The following CERS6 variants were observed in gnomAD, a reference collection of about 807,000 sequenced individuals.
CERS6 encodes LAG1 homolog, ceramide synthase 6.
Under a neutral mutation model 56.8 loss-of-function variants are expected in CERS6, and 26 were observed. The ratio of observed to expected loss-of-function variants is 0.46; its 90% CI spans 0.34 to 0.63. The LOEUF (loss-of-function observed/expected upper bound fraction) is 0.63. CERS6 is among the 30% of genes least tolerant of loss of function. The probability of loss-of-function intolerance (pLI) is 0.01; values close to 1 mark genes in which losing one functional copy is unlikely to be tolerated. For synonymous variants in CERS6, 164 were observed against 173.3 expected (o/e 0.95, Z 0.42); for missense variants, 415 against 467.5 (o/e 0.89, Z 1.04).
At chr2:168,458,066 G>A (rs1693707810) in intron 1 of CERS6, among the ~76,000 whole-genome samples, 1 of 152,084 alleles carries the variant, frequency 6.6e-6, no homozygotes, top group African/African-American at 2.4e-5. Flanking sequence ...CAGGTGTAGA[G>A]TTACCTCTAG....
At chr2:168,545,182 T>C (rs1377373187) in intron 1 of CERS6, among the ~76,000 whole-genome samples, 1 of 152,176 alleles carries the variant, frequency 6.6e-6, no homozygotes, top group African/African-American at 2.4e-5. Context: ...TACATGTACA[T>C]ATATAATTAT....
chr2:168,538,748 T>C (rs1036280861), intron 1 of CERS6, among the ~76,000 whole-genome samples: 2 of 152,246 alleles, frequency 1.3e-5, no homozygotes, highest in Admixed American at 6.5e-5. Flanking sequence ...TGAGTCATTT[T>C]GTAGTGACTC....
In CERS6 at chr2:168,717,916, TCTC is replaced by T; in HGVS notation, c.786_788del (p.Leu263del). On this transcript the variant is annotated inframe_deletion, in exon 8 of 10. Coordinates refer to ENST00000305747, the MANE Select transcript of CERS6 (RefSeq NM_203463.3). ...ATGCCAAGTTTCAGAAAATGTGTGA[TCTC>T]CTGTTTGTTATGTTTGCCGTGGTTT... 1 of 1,613,870 alleles carries T rather than the reference TCTC, an allele frequency of 6.2e-7. No individual in the cohort carries two copies. Among genetic ancestry groups the T allele is most frequent in the Non-Finnish European group, 8.5e-7 (1 of 1,179,816 alleles).
chr2:168,472,927 T>C (rs1415508082), intron 1 of CERS6, among the ~76,000 whole-genome samples: 2 of 152,198 alleles, frequency 1.3e-5, no homozygotes, highest in Non-Finnish European at 2.9e-5. Flanking sequence ...ACACAAAATA[T>C]TGGTTTGTGA....
chr2:168,743,255 TAC>T (rs1232651624), intron 8 of CERS6, among the ~76,000 whole-genome samples: 1 of 151,744 alleles, frequency 6.6e-6, no homozygotes, highest in Non-Finnish European at 1.5e-5. Flanking sequence ...TATATATATA[TAC>T]ACGTATGTAT....
At chr2:168,584,490 C>CA (rs1241765824) in intron 3 of CERS6, among the ~76,000 whole-genome samples, 6 of 152,178 alleles carry the variant, frequency 3.9e-5, no homozygotes, top group Non-Finnish European at 8.8e-5. Context: ...TGTGCACATA[C>CA]ACACAGCTTC....
chr2:168,581,753 C>G (rs1683417066), intron 3 of CERS6, among the ~76,000 whole-genome samples: 2 of 152,142 alleles, frequency 1.3e-5, no homozygotes, highest in South Asian at 4.1e-4. Flanking sequence ...TTTGACAGTT[C>G]CAGTATTTGC....
At chr2:168,669,006 C>T (rs59400065) in intron 4 of CERS6, among the ~76,000 whole-genome samples, 7,197 of 152,154 alleles carry the variant, frequency 0.047, 428 homozygotes, top group African/African-American at 0.14. Flanking sequence ...GTATGTCCCT[C>T]GCTGTTCCTC....
At chr2:168,759,761 T>G (rs2105456965) in intron 8 of CERS6, among the ~76,000 whole-genome samples, 1 of 152,324 alleles carries the variant, frequency 6.6e-6, no homozygotes, top group South Asian at 2.1e-4. Context: ...CAGAACAGTT[T>G]ACAACTGTTT....
chr2:168,512,499 T>G (rs1411629392), intron 1 of CERS6, among the ~76,000 whole-genome samples: 1 of 152,136 alleles, frequency 6.6e-6, no homozygotes, highest in African/African-American at 2.4e-5. Context: ...ACCTATTGGT[T>G]TCTTGTGACA....
intron 8 of CERS6, among the ~76,000 whole-genome samples, chr2:168,740,744 G>C (rs921322451): frequency 6.6e-6 from 1 of 152,172 alleles, no homozygotes; most frequent in Non-Finnish European, 1.5e-5. Context: ...TAGATTATCT[G>C]GATGACCACC....
intron 3 of CERS6, among the ~76,000 whole-genome samples, chr2:168,578,374 G>A (rs1031198625): frequency 3.9e-5 from 6 of 152,078 alleles, no homozygotes; most frequent in Admixed American, 2.6e-4. Context: ...TCATTATCCA[G>A]TAAGCTGCTG....
intron 1 of CERS6, among the ~76,000 whole-genome samples, chr2:168,529,078 T>C (rs17808500): frequency 0.16 from 25,006 of 152,240 alleles, 2,596 homozygotes; most frequent in Non-Finnish European, 0.24. Context: ...ATGGCATCCA[T>C]TGTGCCAGGA....
intron 4 of CERS6, among the ~76,000 whole-genome samples, chr2:168,671,673 G>C (rs1685921488): frequency 6.6e-6 from 1 of 152,108 alleles, no homozygotes; most frequent in African/African-American, 2.4e-5. Context: ...CTATTATACT[G>C]TTAGGTAAAA....
intron 4 of CERS6, among the ~76,000 whole-genome samples, chr2:168,667,150 T>G (rs748820571): frequency 2.6e-5 from 4 of 152,256 alleles, no homozygotes; most frequent in Non-Finnish European, 4.4e-5. Flanking sequence ...AAGCAATATA[T>G]TTCGGATTGG....
chr2:168,669,007 G>A (rs954970394), intron 4 of CERS6, among the ~76,000 whole-genome samples: 1 of 152,104 alleles, frequency 6.6e-6, no homozygotes, highest in Non-Finnish European at 1.5e-5. Context: ...TATGTCCCTC[G>A]CTGTTCCTCT....
intron 1 of CERS6, among the ~76,000 whole-genome samples, chr2:168,485,644 A>C (rs1319655653): frequency 6.6e-6 from 1 of 152,172 alleles, no homozygotes; most frequent in Non-Finnish European, 1.5e-5. Flanking sequence ...AGCAATATGC[A>C]TTTAAGGTTC....
chr2:168,484,546 A>G (rs1398991527), intron 1 of CERS6, among the ~76,000 whole-genome samples: 1 of 152,088 alleles, frequency 6.6e-6, no homozygotes, highest in East Asian at 1.9e-4. Flanking sequence ...CACACTGGTA[A>G]GGTGACATGT....
intron 2 of CERS6, among the ~76,000 whole-genome samples, chr2:168,552,090 A>G (rs1332845123): frequency 6.6e-6 from 1 of 152,204 alleles, no homozygotes; most frequent in African/African-American, 2.4e-5. Flanking sequence ...TTTTAAAGTG[A>G]TAGGCAGATT....
Sources: allele counts gnomAD v4.1 joint callset (sites outside exome capture counted in the v4.1 genomes callset), GRCh38; gene constraint gnomAD v4.1.1; transcripts MANE v1.5; gene names NCBI Gene and HGNC (gene_info 2026-07-23, HGNC 2026-07-21).